The following MRPL22 variants were observed in gnomAD, a reference collection of about 807,000 sequenced individuals.
MRPL22 encodes the protein large ribosomal subunit protein uL22m.
A neutral mutation model predicts 32.4 loss-of-function variants in MRPL22; 27 were observed. The observed-to-expected ratio is 0.83, with a 90% CI of 0.61 to 1.15. The LOEUF (loss-of-function observed/expected upper bound fraction) is 1.15, where lower values mean the gene tolerates loss of function less well. Among genes scored for constraint, MRPL22 ranks in the 50% most tolerant of loss-of-function variants. The pLI is 0.00. For synonymous variants in MRPL22, 86 were observed against 87.3 expected, an observed-to-expected ratio of 0.99 and a Z score of 0.08; for missense variants, 239 against 260.2, an observed-to-expected ratio of 0.92 and a Z score of 0.56.
rs949508646 is a variant in MRPL22 at position 154,969,284 on chromosome 5, A to T, written c.*2387A>T. ...ATAAGTGTTTGAAAGTTCCCTCTTC[A>T]CTCGCTGTCTTGCCTGCTGCCATGT... On this transcript the variant is annotated 3_prime_UTR_variant, in exon 7 of 7. Transcript: ENST00000523037. The T allele has an allele frequency of 6.6e-6, 1 of 151,934 alleles. No homozygotes were observed. The highest frequency in any genetic ancestry group is 2.4e-5 in the African/African-American group (1 of 41,304). 9.4% of individuals were successfully genotyped at this position (151,934 alleles called of 1,614,324 possible).
intron 3 of MRPL22, among the ~76,000 whole-genome samples, chr5:154,952,174 C>T (rs1419043028): frequency 2.6e-5 from 4 of 152,164 alleles, no homozygotes; most frequent in Non-Finnish European, 5.9e-5. Context: ...AGCCATCGTG[C>T]CCGGCCTGAA....
At chr5:154,964,949 A>G (rs1206144561) in intron 6 of MRPL22, among the ~76,000 whole-genome samples, 1 of 152,174 alleles carries the variant, frequency 6.6e-6, no homozygotes, top group African/African-American at 2.4e-5. Context: ...AGGTTGATCC[A>G]GGGGACGCGC....
intron 2 of MRPL22, among the ~76,000 whole-genome samples, chr5:154,941,931 T>G (rs1428199409): frequency 1.3e-5 from 2 of 152,210 alleles, no homozygotes; most frequent in Non-Finnish European, 2.9e-5. Flanking sequence ...GGTCTGTCCA[T>G]TTGTTAGCAT....
intron 6 of MRPL22, among the ~76,000 whole-genome samples, chr5:154,965,782 G>A (rs1272876992): frequency 6.6e-6 from 1 of 152,136 alleles, no homozygotes; most frequent in Non-Finnish European, 1.5e-5. Flanking sequence ...TATACAGAAT[G>A]GGGGAGGGGA....
intron 4 of MRPL22, chr5:154,956,752 T>TAA (rs950256719): frequency 3.0e-6 from 1 of 338,790 alleles, no homozygotes; most frequent in Non-Finnish European, 5.3e-6. Flanking sequence ...CTGTTGCTTT[T>TAA]AAGTTTTTTT....
intron 6 of MRPL22, among the ~76,000 whole-genome samples, chr5:154,960,396 G>A (rs1764686317): frequency 6.6e-6 from 1 of 152,124 alleles, no homozygotes. Context: ...CAACCAGAAG[G>A]AGGTAAATAA....
rs1299555484 is a variant in MRPL22 at position 154,968,582 on chromosome 5, T to C, written c.*1685T>C. The C allele has an allele frequency of 6.6e-6, 1 of 152,202 alleles. No individual in the cohort carries two copies. Among genetic ancestry groups the C allele is most frequent in the Non-Finnish European group, 1.5e-5 (1 of 68,038 alleles). The allele number at this position is 152,202 out of a possible 1,614,324, so 9.4% of individuals were successfully genotyped here. On this transcript the variant is annotated 3_prime_UTR_variant, in exon 7 of 7. Coordinates refer to ENST00000523037, the MANE Select transcript of MRPL22 (RefSeq NM_014180.4). ...AGACTAAGTGAATCAGAAGCTTTGG[T>C]GTGGGAGACCATGGAACCTGCAGTT... is the stretch of plus-strand genomic sequence containing the variant.
intron 6 of MRPL22, among the ~76,000 whole-genome samples, chr5:154,965,509 C>A (rs542100793): frequency 6.6e-6 from 1 of 151,394 alleles, no homozygotes; most frequent in East Asian, 1.9e-4. Context: ...GCTGCAACCT[C>A]TGCCTCTCGG....
intron 2 of MRPL22, among the ~76,000 whole-genome samples, chr5:154,942,259 A>G (rs1764428132): frequency 6.6e-6 from 1 of 152,222 alleles, no homozygotes; most frequent in Non-Finnish European, 1.5e-5. Context: ...TAGATTTTAA[A>G]AAGGAAATTC....
intron 3 of MRPL22, among the ~76,000 whole-genome samples, chr5:154,954,814 C>T (rs377609515): frequency 1.1e-4 from 17 of 152,162 alleles, no homozygotes; most frequent in South Asian, 4.1e-4. Flanking sequence ...TTTTTTGAGA[C>T]GGAGTCTCGC....
At chr5:154,948,484 G>T (rs1764520966) in intron 2 of MRPL22, among the ~76,000 whole-genome samples, 1 of 151,952 alleles carries the variant, frequency 6.6e-6, no homozygotes, top group Non-Finnish European at 1.5e-5. Context: ...CTATACCTTG[G>T]ATTTTACCGA....
At chr5:154,959,904 T>C (rs1466560846) in intron 5 of MRPL22, 76 bp from the exon 6 acceptor site, 1 of 969,340 alleles carries the variant, frequency 1.0e-6, no homozygotes, top group East Asian at 2.4e-5. Context: ...AGTACAGAGA[T>C]AATGAGAGAT....
intron 2 of MRPL22, among the ~76,000 whole-genome samples, chr5:154,949,227 T>TGC (rs1411717847): frequency 6.6e-6 from 1 of 152,212 alleles, no homozygotes; most frequent in Non-Finnish European, 1.5e-5. Context: ...GATTGTTCAT[T>TGC]GCTTCTACAC....
At chr5:154,949,513 A>C (rs1213670668) in intron 2 of MRPL22, among the ~76,000 whole-genome samples, 1 of 152,192 alleles carries the variant, frequency 6.6e-6, no homozygotes, top group African/African-American at 2.4e-5. Flanking sequence ...TCTAGAGGCT[A>C]TTGCTATATA....
chr5:154,943,367 T>G (rs1391068145), intron 2 of MRPL22, among the ~76,000 whole-genome samples: 1 of 151,900 alleles, frequency 6.6e-6, no homozygotes, highest in Non-Finnish European at 1.5e-5. Context: ...TGCCTTGGCC[T>G]GGAGGGATTA....
chr5:154,941,327 G>T, intron 2 of MRPL22, 62 bp downstream of exon 2: 1 of 1,601,908 alleles, frequency 6.2e-7, no homozygotes, highest in South Asian at 1.1e-5. Flanking sequence ...CTGCCAGTTG[G>T]TAACTGAGCG....
At chr5:154,951,347 T>C (rs1405935254) in intron 3 of MRPL22, among the ~76,000 whole-genome samples, 4 of 152,192 alleles carry the variant, frequency 2.6e-5, no homozygotes, top group Non-Finnish European at 4.4e-5. Context: ...TTTGTTTGTT[T>C]GTTTGTTTTG....
intron 6 of MRPL22, among the ~76,000 whole-genome samples, chr5:154,962,655 G>C (rs926653109): frequency 6.6e-6 from 1 of 152,184 alleles, no homozygotes; most frequent in Non-Finnish European, 1.5e-5. Context: ...CATGACCACA[G>C]ATTTAGAAAG....
chr5:154,959,834 T>C (rs1456492366), intron 5 of MRPL22, 146 bp from the exon 6 acceptor site: 1 of 611,212 alleles, frequency 1.6e-6, no homozygotes, highest in Non-Finnish European at 2.8e-6. Context: ...TCCTTTGTAC[T>C]CTTATCATTT....
Sources: allele counts gnomAD v4.1 joint callset (sites outside exome capture counted in the v4.1 genomes callset), GRCh38; gene constraint gnomAD v4.1.1; transcripts MANE v1.5; gene names NCBI Gene and HGNC (gene_info 2026-07-23, HGNC 2026-07-21).